The following UMAD1 variants were observed in gnomAD, a reference collection of about 807,000 sequenced individuals.
The protein encoded by UMAD1 is UBAP1-MVB12-associated (UMA)-domain containing protein 1.
Under a neutral mutation model 6.1 loss-of-function variants are expected in UMAD1, and 8 were observed. The ratio of observed to expected loss-of-function variants is 1.30; its 90% CI spans 0.76 to 2.35. UMAD1 has a LOEUF of 2.35. Among genes scored for constraint, UMAD1 ranks in the 30% most tolerant of loss-of-function variants. UMAD1 has a pLI of 0.00. For missense variants in UMAD1, 130 were observed against 78.4 expected, an observed-to-expected ratio of 1.66 and a Z score of -2.49; for synonymous variants, 56 against 31.4, an observed-to-expected ratio of 1.78 and a Z score of -2.61.
At chr7:7,686,630 C>T (rs773393938) in intron 2 of UMAD1, among the ~76,000 whole-genome samples, 2 of 152,128 alleles carry the variant, frequency 1.3e-5, no homozygotes, top group Admixed American at 6.5e-5. Flanking sequence ...TTTCCAGAAC[C>T]ATCATGCTGC....
At chr7:7,762,860 TG>T (rs140460017) in intron 2 of UMAD1, among the ~76,000 whole-genome samples, 9,365 of 152,304 alleles carry the variant, frequency 0.061, 354 homozygotes, top group Middle Eastern at 0.12. Context: ...ATTACATATA[TG>T]TAAGATTTAA....
At chr7:7,738,488 G>T (rs923476351) in intron 2 of UMAD1, 1 of 152,184 alleles carries the variant, frequency 6.6e-6, no homozygotes, top group Admixed American at 6.5e-5. Flanking sequence ...TAATATAAAA[G>T]TTTTGCAAAA....
At chr7:7,727,967 T>G (rs943035711) in intron 2 of UMAD1, among the ~76,000 whole-genome samples, 3 of 151,776 alleles carry the variant, frequency 2.0e-5, no homozygotes, top group Non-Finnish European at 4.4e-5. Flanking sequence ...AATAAACTCT[T>G]TATATATATA....
chr7:7,754,122 T>G (rs879640514), intron 2 of UMAD1, among the ~76,000 whole-genome samples: 9 of 151,816 alleles, frequency 5.9e-5, no homozygotes, highest in Non-Finnish European at 1.0e-4. Flanking sequence ...GAGGCGGAGG[T>G]TGCAGTGAGC....
chr7:7,860,432 A>G (rs1269534486), intron 3 of UMAD1, among the ~76,000 whole-genome samples: 1 of 151,922 alleles, frequency 6.6e-6, no homozygotes, highest in Non-Finnish European at 1.5e-5. Context: ...TGAATCTGTT[A>G]GACTTGTTTC....
At chr7:7,694,111 T>C (rs1015734020) in intron 2 of UMAD1, among the ~76,000 whole-genome samples, 3 of 152,162 alleles carry the variant, frequency 2.0e-5, no homozygotes, top group Non-Finnish European at 4.4e-5. Flanking sequence ...TATGAAGTAG[T>C]TGGAAATTTG....
intron 2 of UMAD1, among the ~76,000 whole-genome samples, chr7:7,745,646 T>C (rs1343325801): frequency 1.3e-5 from 2 of 152,236 alleles, no homozygotes; most frequent in African/African-American, 4.8e-5. Flanking sequence ...ACTGTCTTTA[T>C]AAACCAAGGA....
intron 1 of UMAD1, among the ~76,000 whole-genome samples, chr7:7,659,394 G>A (rs968451526): frequency 2.0e-5 from 3 of 152,034 alleles, no homozygotes; most frequent in Non-Finnish European, 4.4e-5. Flanking sequence ...TAATTATGAC[G>A]TTAGGGTGTC....
At chr7:7,777,312 C>G (rs928781989) in intron 2 of UMAD1, among the ~76,000 whole-genome samples, 1 of 151,618 alleles carries the variant, frequency 6.6e-6, no homozygotes, top group Non-Finnish European at 1.5e-5. Flanking sequence ...CAAGACCAGC[C>G]TGGCCAACAT....
At chr7:7,758,935 G>C (rs114817485) in intron 2 of UMAD1, among the ~76,000 whole-genome samples, 1,794 of 152,194 alleles carry the variant, frequency 0.012, 31 homozygotes, top group African/African-American at 0.041. Context: ...CTTTGGTTTT[G>C]TTGTGTTTGT....
chr7:7,693,455 G>T (rs1780229627), intron 2 of UMAD1, among the ~76,000 whole-genome samples: 1 of 152,036 alleles, frequency 6.6e-6, no homozygotes, highest in African/African-American at 2.4e-5. Flanking sequence ...AAGATGTTTT[G>T]GGGGAAGAAG....
chr7:7,651,032 CA>C (rs1363947359), intron 1 of UMAD1, among the ~76,000 whole-genome samples: 1 of 152,196 alleles, frequency 6.6e-6, no homozygotes, highest in African/African-American at 2.4e-5. Flanking sequence ...GACCTTTGAG[CA>C]ACCCCTCTGT....
At chr7:7,733,011 C>A (rs1013452990) in intron 2 of UMAD1, among the ~76,000 whole-genome samples, 1 of 152,082 alleles carries the variant, frequency 6.6e-6, no homozygotes, top group Non-Finnish European at 1.5e-5. Flanking sequence ...TTTAATAAAC[C>A]CGTCAATGAA....
chr7:7,661,879 C>T (rs1386583795), intron 1 of UMAD1, among the ~76,000 whole-genome samples: 5 of 152,152 alleles, frequency 3.3e-5, no homozygotes, highest in Admixed American at 2.0e-4. Flanking sequence ...CAGGCAGGGA[C>T]GTTTAATTCT....
intron 1 of UMAD1, among the ~76,000 whole-genome samples, chr7:7,669,951 T>C (rs1779564826): frequency 6.6e-6 from 1 of 152,204 alleles, no homozygotes; most frequent in South Asian, 2.1e-4. Flanking sequence ...TGGGATATTA[T>C]AATGTTCTGA....
At chr7:7,802,719 T>A (rs1276996215) in intron 3 of UMAD1, among the ~76,000 whole-genome samples, 1 of 152,218 alleles carries the variant, frequency 6.6e-6, no homozygotes, top group Non-Finnish European at 1.5e-5. Flanking sequence ...TATTGCTGCA[T>A]ACAACTAGAG....
Position 7,741,841 on chromosome 7 carries a change from CT to C in UMAD1, c.83-59827del, listed in dbSNP as rs1781474919. On this transcript the variant is annotated intron_variant, in intron 2 of 3. Coordinates refer to ENST00000682710, the MANE Select transcript of UMAD1 (RefSeq NM_001302348.2). The stretch of plus-strand genomic sequence containing the variant: ...ACTTAAGTAAAAGGCTTTAAGTCAA[CT>C]TATTAAAAATAGAACACCTTTGTAA... 4 of 195,532 alleles carry C rather than the reference CT, an allele frequency of 2.0e-5. No individual in the cohort carries two copies. In the Admixed American group the frequency reaches 2.2e-4, roughly 11 times the overall value. 12.1% of individuals were successfully genotyped at this position (195,532 alleles called of 1,614,324 possible). A position where few individuals can be genotyped will look rare whatever the true frequency, so the allele number is the denominator to read the frequency against.
chr7:7,673,276 T>C, intron 1 of UMAD1, 33 bp from the exon 2 acceptor site: 1 of 1,117,362 alleles, frequency 8.9e-7, no homozygotes, highest in South Asian at 1.3e-5. Context: ...CAGTTGCATC[T>C]GAATTTGACA....
At chr7:7,663,130 T>G (rs1162004051) in intron 1 of UMAD1, among the ~76,000 whole-genome samples, 3 of 151,904 alleles carry the variant, frequency 2.0e-5, no homozygotes, top group Non-Finnish European at 4.4e-5. Context: ...CTCAATCTTT[T>G]TGCCTTCTTT....
Sources: gnomAD v4.1 joint callset for allele counts (sites outside exome capture counted in the v4.1 genomes callset) on GRCh38, gnomAD v4.1.1 for gene constraint, MANE v1.5 for transcripts, NCBI Gene and HGNC (gene_info 2026-07-23, HGNC 2026-07-21) for gene names.